ADK: variants seen among roughly 807,000 people sequenced by gnomAD.
ADK encodes N6,N6-dimethyladenosine kinase.
In ADK, 24 loss-of-function variants were observed where a neutral mutation model predicts 44.7. The observed-to-expected ratio is 0.54, with a 90% CI of 0.39 to 0.76. The LOEUF is 0.76. Ranked by LOEUF, ADK falls within the 30% of genes least tolerant of loss-of-function variation. The pLI, the probability that ADK is intolerant of heterozygous loss-of-function variation, is 0.00. For synonymous variants in ADK, 128 were observed against 142.6 expected (o/e 0.90, Z 0.73); for missense variants, 321 against 425.1 (o/e 0.76, Z 2.15).
chr10:74,528,319 G>C (rs1374430619), intron 7 of ADK: 2 of 198,332 alleles, frequency 1.0e-5, no homozygotes, highest in African/African-American at 4.6e-5. Context: ...GCTCAAATTT[G>C]TAAAAGACAT....
chr10:74,275,189 G>A (rs1274745162), intron 3 of ADK, among the ~76,000 whole-genome samples: 1 of 151,968 alleles, frequency 6.6e-6, no homozygotes, highest in Non-Finnish European at 1.5e-5. Flanking sequence ...TCATGTAGTC[G>A]ACCTTTCCTG....
At chr10:74,615,446 TA>T in intron 9 of ADK, among the ~76,000 whole-genome samples, 1 of 152,178 alleles carries the variant, frequency 6.6e-6, no homozygotes, top group East Asian at 1.9e-4. Context: ...ACCACCACCA[TA>T]GTTATGATAC....
At chr10:74,601,553 T>G (rs1852120642) in intron 9 of ADK, among the ~76,000 whole-genome samples, 1 of 151,992 alleles carries the variant, frequency 6.6e-6, no homozygotes, top group South Asian at 2.1e-4. Flanking sequence ...GTAGATAAAG[T>G]GAGGGTATAA....
chr10:74,165,524 A>G (rs1265417724), intron 1 of ADK, among the ~76,000 whole-genome samples: 1 of 151,758 alleles, frequency 6.6e-6, no homozygotes, highest in Non-Finnish European at 1.5e-5. Flanking sequence ...TTTGAAGAAA[A>G]TGTCAAGTAC....
chr10:74,646,084 C>T (rs187832472), intron 9 of ADK, among the ~76,000 whole-genome samples: 3 of 152,274 alleles, frequency 2.0e-5, no homozygotes, highest in African/African-American at 7.2e-5. Flanking sequence ...TTTATCAACA[C>T]GAACTTCATC....
intron 10 of ADK, among the ~76,000 whole-genome samples, chr10:74,675,848 C>G (rs1855366783): frequency 6.6e-6 from 1 of 152,136 alleles, no homozygotes. Flanking sequence ...TCCCACTGGG[C>G]TGTCAATACC....
chr10:74,391,652 T>TACACACACACACACACACAC (rs71475280), intron 4 of ADK, among the ~76,000 whole-genome samples: 56 of 74,296 alleles, frequency 7.5e-4, no homozygotes, highest in African/African-American at 1.8e-3. Flanking sequence ...GGCAAGAATA[T>TACACACACACACACACACAC]ACACACACAC....
chr10:74,592,468 T>A (rs80161292), intron 8 of ADK, among the ~76,000 whole-genome samples: 1 of 152,288 alleles, frequency 6.6e-6, no homozygotes, highest in East Asian at 1.9e-4. Flanking sequence ...AATATATATA[T>A]TCTCTATCTT....
chr10:74,170,643 A>G lies in ADK; in HGVS notation c.65+19300A>G, dbSNP rs190121816. Among the ~76,000 whole-genome samples the G allele has an allele frequency of 5.0e-3, 754 of 151,580 alleles. 4 individuals carry two copies. The highest frequency in any genetic ancestry group is 9.2e-3 in the Non-Finnish European group (625 of 67,838). ...GAAACCCTGTCTCTACTAAAAATAC[A>G]AAAAAAATTTGCCGGGCGTGGTGGC... is the stretch of plus-strand genomic sequence containing the variant. On this transcript the variant is annotated intron_variant, in intron 1 of 10. Coordinates refer to ENST00000539909, the MANE Select transcript of ADK (RefSeq NM_006721.4).
At chr10:74,305,591 CTG>C (rs1840218089) in intron 3 of ADK, among the ~76,000 whole-genome samples, 1 of 152,142 alleles carries the variant, frequency 6.6e-6, no homozygotes, top group Admixed American at 6.5e-5. Context: ...GTTCCACTCT[CTG>C]TGTTCTTCTC....
At chr10:74,200,881 T>G (rs762996536) in intron 2 of ADK, 43 bp downstream of exon 2, 7 of 1,282,706 alleles carry the variant, frequency 5.5e-6, no homozygotes, top group Non-Finnish European at 7.9e-6. Context: ...GAACTTACAT[T>G]TGAAGAAGAA....
intron 7 of ADK, among the ~76,000 whole-genome samples, chr10:74,549,143 T>TG (rs1175618618): frequency 2.6e-5 from 4 of 152,232 alleles, no homozygotes; most frequent in Admixed American, 6.5e-5. Flanking sequence ...CTTATAAAAT[T>TG]GAATTTTTAA....
rs565598799 is a variant in ADK at position 74,564,184 on chromosome 10, C to T, written c.727-25098C>T. 2.6e-5 allele frequency among the ~76,000 whole-genome samples: 4 copies of T among 152,084 alleles called. No individual in the cohort carries two copies. The South Asian group carries it at 6.2e-4, about 24-fold the overall frequency. ...TTGGGATAGTTTACTGAGAATGATG[C>T]GTCTTTGGCTTCTAAGAGTTCTTTG... On this transcript the variant is annotated intron_variant, in intron 7 of 10. Coordinates refer to ENST00000539909, the MANE Select transcript of ADK (RefSeq NM_006721.4).
At chr10:74,395,665 A>C (rs1843481685) in intron 5 of ADK, among the ~76,000 whole-genome samples, 1 of 152,208 alleles carries the variant, frequency 6.6e-6, no homozygotes, top group Non-Finnish European at 1.5e-5. Flanking sequence ...TTTTCTTCTG[A>C]TATCACTTAG....
intron 4 of ADK, among the ~76,000 whole-genome samples, chr10:74,333,364 T>A (rs1329633120): frequency 6.6e-6 from 1 of 152,148 alleles, no homozygotes; most frequent in Non-Finnish European, 1.5e-5. Flanking sequence ...GGGATACGAA[T>A]GAGAAGTATA....
At position 74,311,438 on chromosome 10, in the gene ADK, G is replaced by C. The variant is rs376691561; in HGVS notation, c.195-3229G>C. 1.8e-3 allele frequency among the ~76,000 whole-genome samples: 269 copies of C among 152,246 alleles called. 1 individual carries two copies. The highest frequency in any genetic ancestry group is 5.5e-3 in the African/African-American group (228 of 41,576). On this transcript the variant is annotated intron_variant, in intron 3 of 10. Transcript: ENST00000539909. ...TCAGGATTTCTCAGGCCAAAATTCA[G>C]AACAAGGCTAAATTTGCCCATTTCC...
chr10:74,215,365 A>C (rs1420998716), intron 2 of ADK, among the ~76,000 whole-genome samples: 2 of 152,248 alleles, frequency 1.3e-5, no homozygotes, highest in African/African-American at 4.8e-5. Context: ...GTTGGAGTGC[A>C]GTGGCACAAT....
chr10:74,383,856 G>T (rs1448001357), intron 4 of ADK, among the ~76,000 whole-genome samples: 1 of 152,120 alleles, frequency 6.6e-6, no homozygotes, highest in Non-Finnish European at 1.5e-5. Flanking sequence ...TCACATGGAT[G>T]GTCTTATGAT....
In ADK at chr10:74,400,596, T is replaced by C. The variant is rs191866790; in HGVS notation, c.555+2017T>C. Among the ~76,000 whole-genome samples, 506 of 152,324 alleles carry C rather than the reference T, an allele frequency of 3.3e-3. 4 individuals are homozygous for C. Among genetic ancestry groups the C allele is most frequent in the African/African-American group, 0.012 (491 of 41,578 alleles). On this transcript the variant is annotated intron_variant, in intron 6 of 10. Coordinates refer to ENST00000539909, the MANE Select transcript of ADK (RefSeq NM_006721.4). ...TCTAGTCTAGTTTTTTCTTAGCATATGGTCAAACCATAAATTAAGTGGGCT... is the reference window on the plus strand; with the variant it reads ...TCTAGTCTAGTTTTTTCTTAGCATACGGTCAAACCATAAATTAAGTGGGCT...
Sources: allele counts gnomAD v4.1 joint callset (sites outside exome capture counted in the v4.1 genomes callset), GRCh38; gene constraint gnomAD v4.1.1; transcripts MANE v1.5; gene names NCBI Gene and HGNC (gene_info 2026-07-23, HGNC 2026-07-21).